POU6F2: variants seen among roughly 807,000 people sequenced by gnomAD.
The protein encoded by POU6F2 is POU class 6 homeobox 2, also known as POU domain, class 6, transcription factor 2.
A neutral mutation model predicts 71.3 loss-of-function variants in POU6F2; 31 were observed. The observed-to-expected ratio is 0.43, with a 90% CI of 0.33 to 0.59. POU6F2 has a LOEUF of 0.59. Among genes scored for constraint, POU6F2 ranks in the 20% least tolerant of loss-of-function variants. The pLI is 0.04. For missense variants in POU6F2, 783 were observed against 856.8 expected (o/e 0.91, Z 1.07); for synonymous variants, 347 against 355.7 (o/e 0.98, Z 0.27).
intron 4 of POU6F2, among the ~76,000 whole-genome samples, chr7:39,209,553 A>G (rs1186829584): frequency 6.6e-6 from 1 of 152,218 alleles, no homozygotes; most frequent in Non-Finnish European, 1.5e-5. Context: ...TCTAATTAGT[A>G]TAAGTCTCAG....
At chr7:39,257,823 C>G (rs1044815572) in intron 4 of POU6F2, among the ~76,000 whole-genome samples, 1 of 151,224 alleles carries the variant, frequency 6.6e-6, no homozygotes, top group African/African-American at 2.4e-5. Flanking sequence ...AGGGTACACA[C>G]GGGGGAAATT....
chr7:39,344,657 CCCAG>C (rs1305636972), intron 5 of POU6F2, among the ~76,000 whole-genome samples: 1 of 152,108 alleles, frequency 6.6e-6, no homozygotes, highest in East Asian at 1.9e-4. Context: ...CCCCTCCCCC[CCCAG>C]CAATTAGTCT....
intron 1 of POU6F2, among the ~76,000 whole-genome samples, chr7:38,982,346 G>A (rs916515850): frequency 2.0e-5 from 3 of 152,076 alleles, no homozygotes; most frequent in Admixed American, 2.0e-4. Context: ...AGGTATTATG[G>A]ATGGATGGTA....
chr7:39,301,387 G>A (rs1784945864), intron 4 of POU6F2, among the ~76,000 whole-genome samples: 1 of 152,112 alleles, frequency 6.6e-6, no homozygotes, highest in South Asian at 2.1e-4. Context: ...CATCAGCGCT[G>A]GCCAACAGCA....
chr7:39,067,025 CAT>C (rs796766957), intron 1 of POU6F2, among the ~76,000 whole-genome samples: 2 of 147,612 alleles, frequency 1.4e-5, no homozygotes, highest in South Asian at 2.1e-4. Flanking sequence ...ATTTATAAAT[CAT>C]ATTTAGAAAT....
chr7:39,067,090 A>AC (rs1790772285), intron 1 of POU6F2, among the ~76,000 whole-genome samples: 1 of 149,548 alleles, frequency 6.7e-6, no homozygotes, highest in Non-Finnish European at 1.5e-5. Flanking sequence ...ACGTATACAC[A>AC]CATATATATG....
chr7:39,348,434 A>G (rs963787525), intron 5 of POU6F2, among the ~76,000 whole-genome samples: 3 of 152,224 alleles, frequency 2.0e-5, no homozygotes, highest in Non-Finnish European at 4.4e-5. Flanking sequence ...TCCTTTACCT[A>G]TGTATCTTTT....
intron 4 of POU6F2, among the ~76,000 whole-genome samples, chr7:39,290,327 G>T (rs528263155): frequency 9.6e-4 from 146 of 152,152 alleles, no homozygotes; most frequent in Non-Finnish European, 1.9e-3. Flanking sequence ...TGCACCTTTC[G>T]CTTGAGTAGC....
At chr7:39,103,114 G>T (rs1245269548) in intron 2 of POU6F2, among the ~76,000 whole-genome samples, 1 of 152,234 alleles carries the variant, frequency 6.6e-6, no homozygotes, top group East Asian at 1.9e-4. Context: ...TGGACTAGGT[G>T]CTGAGACTAT....
intron 1 of POU6F2, among the ~76,000 whole-genome samples, chr7:39,008,989 T>C (rs1789177703): frequency 6.6e-6 from 1 of 152,234 alleles, no homozygotes; most frequent in African/African-American, 2.4e-5. Flanking sequence ...TGGCATAGGA[T>C]TGACTTGGCG....
intron 5 of POU6F2, 139 bp downstream of exon 5, chr7:39,340,154 A>T: frequency 8.0e-7 from 1 of 1,242,248 alleles, no homozygotes; most frequent in Non-Finnish European, 1.1e-6. Flanking sequence ...GATCTCTTAG[A>T]CATAGGGAAG....
At chr7:39,137,480 C>T (rs1792410584) in intron 2 of POU6F2, among the ~76,000 whole-genome samples, 1 of 152,154 alleles carries the variant, frequency 6.6e-6, no homozygotes, top group African/African-American at 2.4e-5. Flanking sequence ...CTATACAATT[C>T]CATCTTCCAA....
At chr7:39,200,159 G>C (rs1262059328) in intron 2 of POU6F2, among the ~76,000 whole-genome samples, 1 of 152,216 alleles carries the variant, frequency 6.6e-6, no homozygotes, top group African/African-American at 2.4e-5. Flanking sequence ...CTGCCATTCA[G>C]AAAACGGATT....
chr7:39,210,159 T>C (rs1794109788), intron 4 of POU6F2, among the ~76,000 whole-genome samples: 1 of 152,294 alleles, frequency 6.6e-6, no homozygotes, highest in African/African-American at 2.4e-5. Context: ...TCTCCAGTGA[T>C]TTTATAAAAC....
chr7:39,353,363 A>C (rs1366395794), intron 5 of POU6F2, among the ~76,000 whole-genome samples: 2 of 152,252 alleles, frequency 1.3e-5, no homozygotes, highest in Non-Finnish European at 2.9e-5. Flanking sequence ...ATATGTATAT[A>C]GTTGTCTCCT....
intron 1 of POU6F2, among the ~76,000 whole-genome samples, chr7:39,016,561 C>A (rs183295356): frequency 6.6e-6 from 1 of 152,028 alleles, no homozygotes; most frequent in African/African-American, 2.4e-5. Flanking sequence ...GCTCCCCCCC[C>A]GCTTACAGTT....
chr7:39,262,740 T>C (rs995574374), intron 4 of POU6F2, among the ~76,000 whole-genome samples: 7 of 152,072 alleles, frequency 4.6e-5, no homozygotes, highest in Admixed American at 1.3e-4. Context: ...TTGTAGTTTG[T>C]TGTTGTTGTT....
At chr7:39,141,640 G>A (rs911676409) in intron 2 of POU6F2, among the ~76,000 whole-genome samples, 4 of 152,102 alleles carry the variant, frequency 2.6e-5, no homozygotes, top group African/African-American at 9.7e-5. Flanking sequence ...CTGCTAGGAA[G>A]GATGAAATAT....
chr7:39,090,534 C>T (rs1313110335), intron 2 of POU6F2, among the ~76,000 whole-genome samples: 1 of 152,082 alleles, frequency 6.6e-6, no homozygotes, highest in Non-Finnish European at 1.5e-5. Flanking sequence ...ACGTCTCTCT[C>T]CAGGCTTCAG....
Sources: gnomAD v4.1 joint callset for allele counts (sites outside exome capture counted in the v4.1 genomes callset) on GRCh38, gnomAD v4.1.1 for gene constraint, MANE v1.5 for transcripts, NCBI Gene and HGNC (gene_info 2026-07-23, HGNC 2026-07-21) for gene names.